The following PTN variants were observed in gnomAD, a reference collection of about 807,000 sequenced individuals.
The protein encoded by PTN is pleiotrophin.
A neutral mutation model predicts 24.1 loss-of-function variants in PTN; 18 were observed. That is an observed-to-expected ratio of 0.75 (90% confidence interval 0.52 to 1.11). The LOEUF is 1.11. PTN is among the 50% of genes least tolerant of loss of function. PTN has a pLI of 0.00. For synonymous variants in PTN, 78 were observed against 68.6 expected (o/e 1.14, Z -0.67); for missense variants, 163 against 198.8 (o/e 0.82, Z 1.08).
intron 1 of PTN, among the ~76,000 whole-genome samples, chr7:137,323,401 G>A (rs568842800): frequency 3.3e-5 from 5 of 152,236 alleles, no homozygotes; most frequent in Middle Eastern, 3.4e-3. Flanking sequence ...TTATGTTGTT[G>A]GGGGACTGGT....
chr7:137,261,010 CCTTTT>C (rs1229361181), intron 1 of PTN, among the ~76,000 whole-genome samples: 1 of 151,472 alleles, frequency 6.6e-6, no homozygotes, highest in African/African-American at 2.4e-5. Context: ...TTGATTCTTT[CCTTTT>C]ATTTATCTAG....
chr7:137,263,505 T>C (rs1180009362), intron 1 of PTN, among the ~76,000 whole-genome samples: 1 of 152,154 alleles, frequency 6.6e-6, no homozygotes, highest in African/African-American at 2.4e-5. Context: ...AGTCAAGGCT[T>C]GACAGGTTTT....
intron 1 of PTN, among the ~76,000 whole-genome samples, chr7:137,272,157 C>G (rs921413114): frequency 1.6e-4 from 25 of 152,144 alleles, no homozygotes; most frequent in African/African-American, 6.0e-4. Flanking sequence ...ATTCATCTTC[C>G]TGTTGTCTTT....
chr7:137,265,839 GTTTGT>G (rs1412805017), intron 1 of PTN, among the ~76,000 whole-genome samples: 1 of 151,652 alleles, frequency 6.6e-6, no homozygotes, highest in Non-Finnish European at 1.5e-5. Flanking sequence ...AATTGCCAAA[GTTTGT>G]TTTAAGTTTT....
intron 1 of PTN, among the ~76,000 whole-genome samples, chr7:137,288,874 T>C (rs1195723114): frequency 6.6e-6 from 1 of 152,152 alleles, no homozygotes; most frequent in Non-Finnish European, 1.5e-5. Context: ...GTGGATTTAA[T>C]TTTAAAACGC....
At chr7:137,329,043 C>T (rs1235512300) in intron 1 of PTN, among the ~76,000 whole-genome samples, 1 of 151,928 alleles carries the variant, frequency 6.6e-6, no homozygotes, top group African/African-American at 2.4e-5. Context: ...TGGACTACAC[C>T]CTCAGTTCTA....
chr7:137,288,418 C>T (rs1235399963), intron 1 of PTN, among the ~76,000 whole-genome samples: 1 of 152,172 alleles, frequency 6.6e-6, no homozygotes, highest in Non-Finnish European at 1.5e-5. Flanking sequence ...ACGTGAAACA[C>T]ACCTTGCCCA....
intron 1 of PTN, among the ~76,000 whole-genome samples, chr7:137,284,112 A>C (rs556693776): frequency 6.6e-6 from 1 of 151,278 alleles, no homozygotes; most frequent in Non-Finnish European, 1.5e-5. Context: ...GGACTACAGA[A>C]GCCCGCCACC....
At chr7:137,243,625 T>C (rs555228657) in intron 4 of PTN, among the ~76,000 whole-genome samples, 50 of 152,298 alleles carry the variant, frequency 3.3e-4, no homozygotes, top group African/African-American at 1.1e-3. Context: ...GGCTCCTTCA[T>C]AGCAGGATTT....
At chr7:137,262,220 CT>C (rs760387090) in intron 1 of PTN, among the ~76,000 whole-genome samples, 14 of 151,906 alleles carry the variant, frequency 9.2e-5, no homozygotes, top group Non-Finnish European at 1.8e-4. Flanking sequence ...GAGATCTTTG[CT>C]TTGCTTATTT....
Position 137,227,693 on chromosome 7 carries a change from T to C in PTN, c.*327A>G, listed in dbSNP as rs1308863321. The C allele has an allele frequency of 5.3e-6, 1 of 189,754 alleles. No homozygotes were observed. The highest frequency in any genetic ancestry group is 6.1e-5 in the Admixed American group (1 of 16,344). 11.8% of individuals were successfully genotyped at this position (189,754 alleles called of 1,614,324 possible). A position where few individuals can be genotyped will look rare whatever the true frequency, so the allele number is the denominator to read the frequency against. ...AGAAGTAGTTTACATAGTCATAACA[T>C]TTAAATTGCTGCCCAAAAAATGTAA... On this transcript the variant is annotated 3_prime_UTR_variant, in exon 5 of 5. Coordinates refer to ENST00000348225, the MANE Select transcript of PTN (RefSeq NM_002825.7).
At chr7:137,320,982 GGTCAACT>G (rs1810153650) in intron 1 of PTN, among the ~76,000 whole-genome samples, 1 of 152,148 alleles carries the variant, frequency 6.6e-6, no homozygotes, top group South Asian at 2.1e-4. Flanking sequence ...TAAGCTTTGA[GGTCAACT>G]GTGCTGTGGC....
In PTN at chr7:137,326,409, T is replaced by C. The variant is rs530207684; in HGVS notation, c.-2+17030A>G. ...TCACCCTTCATGTACTCACCTCCCA[T>C]TATAATGTCTAGATTACAGATAGCC... On this transcript the variant is annotated intron_variant, in intron 1 of 4. Transcript: ENST00000348225. 4 of 152,298 alleles carry C rather than the reference T, an allele frequency of 2.6e-5. No individual in the cohort carries two copies. In the South Asian group the frequency reaches 8.3e-4, roughly 32 times the overall value. 9.4% of individuals were successfully genotyped at this position (152,298 alleles called of 1,614,324 possible).
At chr7:137,262,719 G>A (rs1809064261) in intron 1 of PTN, among the ~76,000 whole-genome samples, 1 of 152,176 alleles carries the variant, frequency 6.6e-6, no homozygotes, top group African/African-American at 2.4e-5. Flanking sequence ...GGTATGTGAC[G>A]GGGCTGTGAG....
At chr7:137,268,936 T>C (rs55862641) in intron 1 of PTN, among the ~76,000 whole-genome samples, 14,288 of 152,300 alleles carry the variant, frequency 0.094, 852 homozygotes, top group East Asian at 0.23. Context: ...TATATTGTTT[T>C]CTTAGTGTTT....
chr7:137,314,597 CTT>C (rs34363631), intron 1 of PTN, among the ~76,000 whole-genome samples: 1 of 131,832 alleles, frequency 7.6e-6, no homozygotes, highest in Non-Finnish European at 1.6e-5. Context: ...TTACATGATG[CTT>C]TTTTTTTTTT....
intron 4 of PTN, among the ~76,000 whole-genome samples, chr7:137,229,020 T>A (rs1158917966): frequency 4.0e-5 from 6 of 151,846 alleles, no homozygotes; most frequent in Non-Finnish European, 8.8e-5. Flanking sequence ...TGTGAGACAC[T>A]GAGAAAGTTA....
At chr7:137,321,594 T>G (rs1810163973) in intron 1 of PTN, among the ~76,000 whole-genome samples, 1 of 152,198 alleles carries the variant, frequency 6.6e-6, no homozygotes, top group South Asian at 2.1e-4. Flanking sequence ...ACAATGTGAT[T>G]TTTGTTTGAT....
intron 1 of PTN, among the ~76,000 whole-genome samples, chr7:137,311,436 A>C (rs573875606): frequency 6.6e-6 from 1 of 152,254 alleles, no homozygotes; most frequent in South Asian, 2.1e-4. Context: ...TTTCCTTTGC[A>C]TTCACAATTT....
Sources: allele counts gnomAD v4.1 joint callset (sites outside exome capture counted in the v4.1 genomes callset), GRCh38; gene constraint gnomAD v4.1.1; transcripts MANE v1.5; gene names NCBI Gene and HGNC (gene_info 2026-07-23, HGNC 2026-07-21).